The following DOCK7 variants were observed in gnomAD, a reference collection of about 807,000 sequenced individuals.
The protein encoded by DOCK7 is dedicator of cytokinesis protein 7.
In DOCK7, 138 loss-of-function variants were observed where a neutral mutation model predicts 271.0. The observed-to-expected ratio is 0.51, with a 90% CI of 0.44 to 0.59. The LOEUF is 0.59. Ranked by LOEUF, DOCK7 falls within the 20% of genes least tolerant of loss-of-function variation. The pLI is 0.00. For missense variants in DOCK7, 2,066 were observed against 2,592.4 expected (o/e 0.80, Z 4.41); for synonymous variants, 823 against 876.1 (o/e 0.94, Z 1.07).
intron 14 of DOCK7, chr1:62,604,114 G>A (rs748332395): frequency 3.2e-5 from 52 of 1,613,110 alleles, no homozygotes; most frequent in Non-Finnish European, 4.2e-5. Flanking sequence ...CCAACTATAC[G>A]CTACATCTAG....
At chr1:62,493,103 A>T (rs1175419319) in intron 40 of DOCK7, among the ~76,000 whole-genome samples, 1 of 152,186 alleles carries the variant, frequency 6.6e-6, no homozygotes, top group Non-Finnish European at 1.5e-5. Context: ...CATGGGCTAA[A>T]GGAAATTGTA....
chr1:62,504,848 T>C (rs1646894152), intron 36 of DOCK7, 66 bp from the exon 37 acceptor site: 2 of 1,547,176 alleles, frequency 1.3e-6, no homozygotes, highest in Admixed American at 2.0e-5. Context: ...TATGTTAATA[T>C]AACCTGAACT....
At position 62,475,273 on chromosome 1, in the gene DOCK7, C is replaced by A. The variant is rs1645936577; in HGVS notation, c.6040G>T (p.Asp2014Tyr). The A allele has an allele frequency of 6.2e-7, 1 of 1,614,014 alleles. No individual in the cohort carries two copies. The highest frequency in any genetic ancestry group is 8.5e-7 in the Non-Finnish European group (1 of 1,179,946). The change falls in exon 47 of 50, where the codon GAT (aspartate) becomes TAT (tyrosine). Residue 2014 changes from aspartate to tyrosine, a missense_variant. Coordinates refer to ENST00000635253, the MANE Select transcript of DOCK7 (RefSeq NM_001367561.1). Reference protein sequence around the residue: ...TQELAFATHQDPADPKMLQMV... With the variant: ...TQELAFATHQYPADPKMLQMV... ...TGAAGCATTTTGGGGTCTGCGGGAT[C>A]CTGATGTGTTGCAAATGCCAACTCC... is the stretch of plus-strand genomic sequence containing the variant.
intron 22 of DOCK7, among the ~76,000 whole-genome samples, chr1:62,551,647 C>T: frequency 6.6e-6 from 1 of 151,868 alleles, no homozygotes; most frequent in South Asian, 2.1e-4. Context: ...GTGATTACAA[C>T]TAAACTCAAT....
At chr1:62,669,351 T>C (rs1659670411) in intron 1 of DOCK7, among the ~76,000 whole-genome samples, 1 of 152,188 alleles carries the variant, frequency 6.6e-6, no homozygotes, top group African/African-American at 2.4e-5. Flanking sequence ...ATGCAACCCA[T>C]AAGTATAAAA....
chr1:62,581,690 G>A (rs183714806), intron 16 of DOCK7, among the ~76,000 whole-genome samples: 11 of 152,154 alleles, frequency 7.2e-5, no homozygotes, highest in Admixed American at 5.9e-4. Context: ...GAGGGTTAAG[G>A]GCAAAACGTT....
Position 62,670,074 on chromosome 1 carries a change from C to T in DOCK7, c.39-6944G>A, listed in dbSNP as rs549161010. ...GGTGTACTGGGTCCCCCAGCAGTGC[C>T]GGCCCACCGGTGCTGCGCTCGATTT... On this transcript the variant is annotated intron_variant, in intron 1 of 49. Coordinates refer to ENST00000635253, the MANE Select transcript of DOCK7 (RefSeq NM_001367561.1). 3.2e-4 allele frequency among the ~76,000 whole-genome samples: 48 copies of T among 152,350 alleles called. No individual in the cohort carries two copies. The South Asian group carries it at 6.8e-3, about 22-fold the overall frequency.
intron 7 of DOCK7, among the ~76,000 whole-genome samples, chr1:62,637,164 T>A (rs1655378101): frequency 1.3e-5 from 2 of 152,338 alleles, no homozygotes; most frequent in East Asian, 3.9e-4. Context: ...GTCTGCTTTT[T>A]TAACTTAACA....
At position 62,555,998 on chromosome 1, in the gene DOCK7, AAAG is replaced by A. The variant is rs1333159616; in HGVS notation, c.2432-12_2432-10del. ...TGCTTGACCTAGGTTAACTTTTAAG[AAAG>A]AAGAAGTATTTACCTTTGCTTTAAC... On this transcript the variant is annotated splice_polypyrimidine_tract_variant and intron_variant, in intron 20 of 49. Coordinates refer to ENST00000635253, the MANE Select transcript of DOCK7 (RefSeq NM_001367561.1). 16 of 1,611,618 alleles carry A rather than the reference AAAG, an allele frequency of 9.9e-6. No homozygotes were observed. The highest frequency in any genetic ancestry group is 1.4e-5 in the Non-Finnish European group (16 of 1,179,498).
At position 62,496,236 on chromosome 1, in the gene DOCK7, T is replaced by C. The variant is rs1031689824; in HGVS notation, c.4923+103A>G. The C allele has an allele frequency of 1.5e-5, 19 of 1,306,858 alleles. No homozygotes were observed. The African/African-American group carries it at 2.5e-4, about 17-fold the overall frequency. The allele number at this position is 1,306,858 out of a possible 1,614,324, so 81.0% of individuals were successfully genotyped here. A position where few individuals can be genotyped will look rare whatever the true frequency, so the allele number is the denominator to read the frequency against. Reference sequence around the variant, plus strand: ...CATGATGTGTGGATTGAAAATGAAATAAATGATCCTCCAGCAAAAATCAAC... The same window carrying C: ...CATGATGTGTGGATTGAAAATGAAACAAATGATCCTCCAGCAAAAATCAAC... On this transcript the variant is annotated intron_variant, in intron 38 of 49. Coordinates refer to ENST00000635253, the MANE Select transcript of DOCK7 (RefSeq NM_001367561.1).
chr1:62,660,266 A>G (rs1365653168), intron 2 of DOCK7, among the ~76,000 whole-genome samples: 1 of 152,244 alleles, frequency 6.6e-6, no homozygotes, highest in African/African-American at 2.4e-5. Context: ...GGCAACAGAA[A>G]GATAATAGGA....
chr1:62,468,322 T>C (rs1340593498), intron 48 of DOCK7, among the ~76,000 whole-genome samples: 1 of 144,330 alleles, frequency 6.9e-6, no homozygotes, highest in Non-Finnish European at 1.5e-5. Context: ...GATCGCGCCA[T>C]TGCACTCCGG....
chr1:62,581,929 CAG>C (rs1282762819), intron 16 of DOCK7, among the ~76,000 whole-genome samples: 1 of 152,048 alleles, frequency 6.6e-6, no homozygotes, highest in African/African-American at 2.4e-5. Context: ...GAATAAGAGA[CAG>C]AGCCAATGAA....
At chr1:62,617,845 T>G (rs775540285) in intron 14 of DOCK7, among the ~76,000 whole-genome samples, 1 of 151,966 alleles carries the variant, frequency 6.6e-6, no homozygotes, top group African/African-American at 2.4e-5. Flanking sequence ...AAGGTGGAAG[T>G]AGTAAGAAGT....
At chr1:62,633,797 C>T (rs1336229908) in intron 9 of DOCK7, 3 of 462,032 alleles carry the variant, frequency 6.5e-6, no homozygotes, top group Non-Finnish European at 1.2e-5. Flanking sequence ...TAATAAAGGC[C>T]ATATATGAAA....
At chr1:62,571,155 A>G (rs1037563973) in intron 18 of DOCK7, among the ~76,000 whole-genome samples, 1 of 152,202 alleles carries the variant, frequency 6.6e-6, no homozygotes, top group South Asian at 2.1e-4. Flanking sequence ...CAACCTATCC[A>G]TCTGACAAAG....
chr1:62,489,380 C>A (rs1390987316), intron 41 of DOCK7, among the ~76,000 whole-genome samples: 7 of 152,176 alleles, frequency 4.6e-5, no homozygotes, highest in African/African-American at 1.7e-4. Context: ...ACATGGGAGG[C>A]GGAGTGTGCA....
At chr1:62,484,142 T>G (rs941589548) in intron 43 of DOCK7, 3 of 152,166 alleles carry the variant, frequency 2.0e-5, no homozygotes, top group African/African-American at 7.2e-5. Flanking sequence ...TGGCCAGTAT[T>G]TCTGAACATA....
chr1:62,533,158 A>G (rs1281794537), intron 29 of DOCK7, among the ~76,000 whole-genome samples: 1 of 152,044 alleles, frequency 6.6e-6, no homozygotes, highest in African/African-American at 2.4e-5. Context: ...TTTCTTGCCT[A>G]TTAAACTTTC....
Sources: allele counts gnomAD v4.1 joint callset (sites outside exome capture counted in the v4.1 genomes callset), GRCh38; gene constraint gnomAD v4.1.1; transcripts MANE v1.5; gene names NCBI Gene and HGNC (gene_info 2026-07-23, HGNC 2026-07-21).